Variants in SNTG1 observed in about 807,000 individuals in gnomAD.
SNTG1 encodes gamma-1-syntrophin.
A neutral mutation model predicts 74.7 loss-of-function variants in SNTG1; 39 were observed. That is an observed-to-expected ratio of 0.52 (90% CI 0.40 to 0.68). The LOEUF (loss-of-function observed/expected upper bound fraction) is 0.68, where lower values mean the gene tolerates loss of function less well. Among genes scored for constraint, SNTG1 ranks in the 30% least tolerant of loss-of-function variants. The probability of loss-of-function intolerance (pLI) is 0.00; values close to 1 mark genes in which losing one functional copy is unlikely to be tolerated. For missense variants in SNTG1, 685 were observed against 609.5 expected (o/e 1.12, Z -1.30); for synonymous variants, 254 against 217.1 (o/e 1.17, Z -1.49).
At chr8:50,709,297 A>G in intron 17 of SNTG1, 1 of 353,496 alleles carries the variant, frequency 2.8e-6, no homozygotes, top group Non-Finnish European at 5.0e-6. Flanking sequence ...TTTCTTCCCC[A>G]AAAAGCAGTT....
At chr8:50,470,752 C>T (rs1035194021) in intron 8 of SNTG1, among the ~76,000 whole-genome samples, 2 of 152,180 alleles carry the variant, frequency 1.3e-5, no homozygotes, top group South Asian at 2.1e-4. Context: ...AAAGGTAGTG[C>T]GGACCCAAAG....
At chr8:50,437,837 G>T (rs1189340570) in intron 4 of SNTG1, among the ~76,000 whole-genome samples, 1 of 152,106 alleles carries the variant, frequency 6.6e-6, no homozygotes, top group Non-Finnish European at 1.5e-5. Context: ...AAAATTACAG[G>T]ATTTGTCTAA....
At chr8:50,493,015 T>C (rs980647330) in intron 8 of SNTG1, among the ~76,000 whole-genome samples, 1 of 152,112 alleles carries the variant, frequency 6.6e-6, no homozygotes, top group African/African-American at 2.4e-5. Context: ...ACACCACACA[T>C]CTACAGGCAT....
At chr8:50,522,766 A>G (rs1249867420) in intron 9 of SNTG1, among the ~76,000 whole-genome samples, 1 of 152,082 alleles carries the variant, frequency 6.6e-6, no homozygotes, top group Non-Finnish European at 1.5e-5. Flanking sequence ...TTTAGTAGAG[A>G]TGGGGTTTCA....
chr8:50,539,677 G>A lies in SNTG1; in HGVS notation c.680+2869G>A, dbSNP rs182322721. 3.9e-5 allele frequency among the ~76,000 whole-genome samples: 6 copies of A among 152,216 alleles called. No homozygotes were observed. The East Asian group carries it at 9.7e-4, about 25-fold the overall frequency. ...CCCATTTATTCTAATTGCTGCAGGT[G>A]AGTATGAAGGTTCAGCTGTCCATGA... On this transcript the variant is annotated intron_variant, in intron 11 of 18. Transcript: ENST00000642720.
At chr8:50,658,553 T>C (rs1291626542) in intron 14 of SNTG1, 39 bp from the exon 15 acceptor site, 1 of 1,470,946 alleles carries the variant, frequency 6.8e-7, no homozygotes, top group Non-Finnish European at 9.4e-7. Context: ...TAAATAACTT[T>C]CTAAAACAAA....
chr8:50,490,954 G>A (rs984783550), intron 8 of SNTG1: 1 of 153,194 alleles, frequency 6.5e-6, no homozygotes, highest in Non-Finnish European at 1.5e-5. Flanking sequence ...GACAATTTTG[G>A]AGCTGGAACC....
intron 12 of SNTG1, among the ~76,000 whole-genome samples, chr8:50,561,453 A>G (rs1272080278): frequency 6.6e-6 from 1 of 152,234 alleles, no homozygotes; most frequent in Non-Finnish European, 1.5e-5. Flanking sequence ...AGTGCAAACC[A>G]TAAAAGAAAG....
At position 50,433,823 on chromosome 8, in the gene SNTG1, G is replaced by A. The variant is rs532262411; in HGVS notation, c.163-4720G>A. 7.2e-5 allele frequency among the ~76,000 whole-genome samples: 11 copies of A among 152,234 alleles called. 1 individual carries two copies. In the South Asian group the frequency reaches 2.3e-3, roughly 32 times the overall value. On this transcript the variant is annotated intron_variant, in intron 4 of 18. Transcript: ENST00000642720. ...AAAACTTGGAGGAAAAAAGTCGAGG[G>A]CATAGTTCTCTTCAATAAACAATTC...
chr8:50,227,483 C>G (rs2085388431), intron 2 of SNTG1, among the ~76,000 whole-genome samples: 1 of 152,136 alleles, frequency 6.6e-6, no homozygotes, highest in Admixed American at 6.6e-5. Context: ...TTCTCTCACT[C>G]TAGTTCCCTT....
intron 15 of SNTG1, among the ~76,000 whole-genome samples, chr8:50,685,971 G>C (rs2095350818): frequency 6.6e-6 from 1 of 151,984 alleles, no homozygotes; most frequent in South Asian, 2.1e-4. Context: ...TGTGTTCTTG[G>C]GTGCACGGGT....
intron 1 of SNTG1, among the ~76,000 whole-genome samples, chr8:50,084,210 C>A (rs987095972): frequency 6.6e-6 from 1 of 152,086 alleles, no homozygotes; most frequent in Non-Finnish European, 1.5e-5. Flanking sequence ...GCCTGTAATC[C>A]CAGCTCCTTG....
At chr8:50,376,726 A>G (rs1233496738) in intron 2 of SNTG1, among the ~76,000 whole-genome samples, 1 of 98,698 alleles carries the variant, frequency 1.0e-5, no homozygotes, top group Non-Finnish European at 2.0e-5. Context: ...TAATATTAAT[A>G]AATTATATAT....
intron 2 of SNTG1, among the ~76,000 whole-genome samples, chr8:50,359,575 C>T (rs755865506): frequency 6.6e-6 from 1 of 152,136 alleles, no homozygotes; most frequent in Non-Finnish European, 1.5e-5. Context: ...TCAGTGATAG[C>T]AGTAACAGTT....
At chr8:50,108,629 T>C (rs2080470060) in intron 1 of SNTG1, among the ~76,000 whole-genome samples, 2 of 152,188 alleles carry the variant, frequency 1.3e-5, no homozygotes, top group African/African-American at 2.4e-5. Context: ...AAAAATGATT[T>C]AGTATCTTCT....
At chr8:50,658,706 G>GTGCCTCTGGGCT (rs1199257511) in intron 15 of SNTG1, 43 bp downstream of exon 15, 1 of 1,341,496 alleles carries the variant, frequency 7.5e-7, no homozygotes, top group Non-Finnish European at 1.1e-6. Context: ...CTTTTCCTCA[G>GTGCCTCTGGGCT]CAAATAGTGC....
intron 2 of SNTG1, among the ~76,000 whole-genome samples, chr8:50,200,322 C>T (rs559739529): frequency 8.5e-5 from 13 of 152,264 alleles, no homozygotes; most frequent in African/African-American, 2.9e-4. Flanking sequence ...TCTGAAGTCT[C>T]CTCACTTAAG....
chr8:50,689,937 G>T (rs1298087018), intron 15 of SNTG1, among the ~76,000 whole-genome samples: 2 of 152,134 alleles, frequency 1.3e-5, no homozygotes, highest in African/African-American at 4.8e-5. Flanking sequence ...CCTGTTATTG[G>T]TCTATTCAGA....
intron 2 of SNTG1, among the ~76,000 whole-genome samples, chr8:50,218,506 G>A (rs938953872): frequency 6.6e-6 from 1 of 151,644 alleles, no homozygotes; most frequent in Admixed American, 6.6e-5. Flanking sequence ...TTTCTTAAAG[G>A]CATACAAACT....
Sources: allele counts gnomAD v4.1 joint callset (sites outside exome capture counted in the v4.1 genomes callset), GRCh38; gene constraint gnomAD v4.1.1; transcripts MANE v1.5; gene names NCBI Gene and HGNC (gene_info 2026-07-23, HGNC 2026-07-21).